SLC5A8: variants seen among roughly 807,000 people sequenced by gnomAD.
SLC5A8 encodes the protein solute carrier family 5 member 8, also known as sodium-coupled monocarboxylate transporter 1.
A neutral mutation model predicts 71.9 loss-of-function variants in SLC5A8; 55 were observed. The ratio of observed to expected loss-of-function variants is 0.77; its 90% CI spans 0.62 to 0.96. The LOEUF (loss-of-function observed/expected upper bound fraction) is 0.96, where lower values mean the gene tolerates loss of function less well. Among genes scored for constraint, SLC5A8 ranks in the 40% least tolerant of loss-of-function variants. The probability of loss-of-function intolerance (pLI) is 0.00; values close to 1 mark genes in which losing one functional copy is unlikely to be tolerated. For missense variants in SLC5A8, 701 were observed against 745.3 expected, an observed-to-expected ratio of 0.94 and a Z score of 0.69; for synonymous variants, 307 against 276.1, an observed-to-expected ratio of 1.11 and a Z score of -1.11.
At chr12:101,209,399 T>C (rs1869816423) in intron 1 of SLC5A8, 99 bp downstream of exon 1, 1 of 829,396 alleles carries the variant, frequency 1.2e-6, no homozygotes, top group Non-Finnish European at 1.8e-6. Context: ...GAGATTTCGA[T>C]GTGGCAGTGA....
Position 101,198,517 on chromosome 12 carries a change from A to G in SLC5A8, c.470-3355T>C, listed in dbSNP as rs373320348. Among the ~76,000 whole-genome samples, 170 of 152,068 alleles carry G rather than the reference A, an allele frequency of 1.1e-3. 2 individuals are homozygous for G. The South Asian group carries it at 0.031, about 28-fold the overall frequency. On this transcript the variant is annotated intron_variant, in intron 3 of 14. Coordinates refer to ENST00000536262, the MANE Select transcript of SLC5A8 (RefSeq NM_145913.5). Reference sequence around the variant, plus strand: ...GGGTATTATATGCAGTTTTATGCTAATGAATTTGATAAGTTAGACCAAATG... The same window carrying G: ...GGGTATTATATGCAGTTTTATGCTAGTGAATTTGATAAGTTAGACCAAATG...
chr12:101,164,821 A>G (rs1371944011), intron 12 of SLC5A8, among the ~76,000 whole-genome samples: 2 of 152,158 alleles, frequency 1.3e-5, no homozygotes, highest in African/African-American at 4.8e-5. Context: ...TTCTTGTCCA[A>G]TTTCCCTTCT....
chr12:101,191,353 CA>C (rs1868902952), intron 5 of SLC5A8, among the ~76,000 whole-genome samples: 1 of 152,146 alleles, frequency 6.6e-6, no homozygotes, highest in Admixed American at 6.5e-5. Flanking sequence ...AAACTTTCTG[CA>C]AAGTTAGCTT....
chr12:101,168,961 A>G lies in SLC5A8; in HGVS notation c.1234-779T>C, dbSNP rs150235210. ...ATGAATGAATCAAAGAGAAAATACC[A>G]AGTCAGGGAAATATTAGAGGAAATA... On this transcript the variant is annotated intron_variant, in intron 10 of 14. Coordinates refer to ENST00000536262, the MANE Select transcript of SLC5A8 (RefSeq NM_145913.5). 1.2e-4 allele frequency among the ~76,000 whole-genome samples: 19 copies of G among 152,324 alleles called. No individual in the cohort carries two copies. In the East Asian group the frequency reaches 3.5e-3, roughly 28 times the overall value.
intron 1 of SLC5A8, among the ~76,000 whole-genome samples, chr12:101,207,964 G>C (rs1265085020): frequency 6.6e-6 from 1 of 152,124 alleles, no homozygotes; most frequent in Non-Finnish European, 1.5e-5. Flanking sequence ...GTTTAATAGA[G>C]AGTGAGAGCA....
At chr12:101,199,836 T>A (rs1309478478) in intron 3 of SLC5A8, among the ~76,000 whole-genome samples, 1 of 151,192 alleles carries the variant, frequency 6.6e-6, no homozygotes, top group Non-Finnish European at 1.5e-5. Flanking sequence ...GTATTTCATT[T>A]CCAATGGAAG....
chr12:101,180,117 C>A (rs1346255049), intron 9 of SLC5A8, 21 bp from the exon 10 acceptor site: 3 of 1,613,328 alleles, frequency 1.9e-6, no homozygotes, highest in African/African-American at 1.3e-5. Context: ...AACATAAAAG[C>A]CAGTGTAAAA....
intron 1 of SLC5A8, 27 bp downstream of exon 1, chr12:101,209,471 A>C: frequency 6.5e-7 from 1 of 1,528,650 alleles, no homozygotes; most frequent in Non-Finnish European, 8.8e-7. Flanking sequence ...CGCGCCCTGC[A>C]TGGTCCCAGC....
At position 101,157,141 on chromosome 12, in the gene SLC5A8, C is replaced by G. The variant is rs1315820550; in HGVS notation, c.*138G>C. ...ATGTAGTAAATGAAGATAGTCCAGA[C>G]TTTGTTTTAACAAAAACTTATCCCC... On this transcript the variant is annotated 3_prime_UTR_variant, in exon 15 of 15. Transcript: ENST00000536262. The G allele has an allele frequency of 4.1e-6, 4 of 976,816 alleles. No homozygotes were observed. Among genetic ancestry groups the G allele is most frequent in the Non-Finnish European group, 5.8e-6 (4 of 689,926 alleles). 60.5% of individuals were successfully genotyped at this position (976,816 alleles called of 1,614,324 possible).
chr12:101,175,489 G>A (rs969668740), intron 10 of SLC5A8, among the ~76,000 whole-genome samples: 1 of 151,944 alleles, frequency 6.6e-6, no homozygotes, highest in Non-Finnish European at 1.5e-5. Context: ...TCAAGAAGCT[G>A]AGTAACCCTA....
intron 11 of SLC5A8, among the ~76,000 whole-genome samples, chr12:101,167,289 T>C (rs557230504): frequency 1.1e-4 from 17 of 152,336 alleles, no homozygotes; most frequent in Admixed American, 4.6e-4. Context: ...GACATTTCAT[T>C]GAGGATAATA....
chr12:101,193,953 C>A (rs1869046245), intron 4 of SLC5A8, among the ~76,000 whole-genome samples, 174 bp from the exon 5 acceptor site: 1 of 152,118 alleles, frequency 6.6e-6, no homozygotes, highest in Non-Finnish European at 1.5e-5. Flanking sequence ...ATATTTAAAT[C>A]AAGTCTTCAA....
intron 4 of SLC5A8, among the ~76,000 whole-genome samples, chr12:101,194,807 T>C (rs895514675): frequency 3.3e-5 from 5 of 152,088 alleles, no homozygotes; most frequent in Non-Finnish European, 7.4e-5. Context: ...TGAGGAATAG[T>C]ATGAGCACAA....
chr12:101,204,536 A>T lies in SLC5A8; in HGVS notation c.381T>A (p.Val127=). 1 of 1,602,640 alleles carries T rather than the reference A, an allele frequency of 6.2e-7. No homozygotes were observed. The change falls in exon 2 of 15, where the codon GTT becomes GTA. Residue 127 remains valine, a synonymous_variant. Transcript: ENST00000536262. The part of the protein sequence containing the change: ...EYLELRFNKC[V]RLCGTVLFIV... ...TGAAGAGGACTGTTCCACAGAGACGAACACATTTGTTAAATCGAAGTTCTA... is the reference window on the plus strand; with the variant it reads ...TGAAGAGGACTGTTCCACAGAGACGTACACATTTGTTAAATCGAAGTTCTA...
chr12:101,159,967 A>C (rs931527043), intron 13 of SLC5A8, among the ~76,000 whole-genome samples: 6 of 152,224 alleles, frequency 3.9e-5, no homozygotes, highest in Admixed American at 3.9e-4. Flanking sequence ...AGATCACCTG[A>C]GGTCAGGAGT....
At chr12:101,197,576 T>C (rs566025306) in intron 3 of SLC5A8, among the ~76,000 whole-genome samples, 1 of 152,262 alleles carries the variant, frequency 6.6e-6, no homozygotes, top group Admixed American at 6.5e-5. Flanking sequence ...TCTGGAAAAC[T>C]GGACAGAACA....
At chr12:101,161,390 G>GT (rs1451184937) in intron 13 of SLC5A8, among the ~76,000 whole-genome samples, 2 of 151,888 alleles carry the variant, frequency 1.3e-5, no homozygotes, top group Non-Finnish European at 2.9e-5. Context: ...CAAGATAACC[G>GT]TTCTATAGCA....
At chr12:101,170,287 A>C (rs1456853879) in intron 10 of SLC5A8, among the ~76,000 whole-genome samples, 1 of 152,238 alleles carries the variant, frequency 6.6e-6, no homozygotes, top group Non-Finnish European at 1.5e-5. Context: ...CAGGTAAATA[A>C]ACAAATTTTT....
At chr12:101,186,056 T>A (rs1326576906) in intron 7 of SLC5A8, among the ~76,000 whole-genome samples, 1 of 150,548 alleles carries the variant, frequency 6.6e-6, no homozygotes, top group Non-Finnish European at 1.5e-5. Flanking sequence ...CTACAAGATG[T>A]CTCAAAGGTA....
Sources: allele counts gnomAD v4.1 joint callset (sites outside exome capture counted in the v4.1 genomes callset), GRCh38; gene constraint gnomAD v4.1.1; transcripts MANE v1.5; gene names NCBI Gene and HGNC (gene_info 2026-07-23, HGNC 2026-07-21).